Variants in SGIP1 observed in about 807,000 individuals in gnomAD.
SGIP1 encodes SH3-containing GRB2-like protein 3-interacting protein 1.
A neutral mutation model predicts 107.5 loss-of-function variants in SGIP1; 38 were observed. That is an observed-to-expected ratio of 0.35 (90% CI 0.27 to 0.46). SGIP1 has a LOEUF of 0.46. Among genes scored for constraint, SGIP1 ranks in the 20% least tolerant of loss-of-function variants. The pLI is 1.00. For synonymous variants in SGIP1, 365 were observed against 366.1 expected (o/e 1.00, Z 0.03); for missense variants, 929 against 1,019.5 (o/e 0.91, Z 1.21).
intron 6 of SGIP1, 112 bp from the exon 7 acceptor site, chr1:66,643,432 G>A (rs2077123789): frequency 1.3e-6 from 1 of 797,374 alleles, no homozygotes; most frequent in Non-Finnish European, 2.0e-6. Flanking sequence ...GTTTTGCTTT[G>A]ATTTTCTGCC....
intron 3 of SGIP1, among the ~76,000 whole-genome samples, chr1:66,633,810 A>AG (rs969997664): frequency 4.6e-5 from 7 of 151,870 alleles, no homozygotes; most frequent in Non-Finnish European, 7.4e-5. Flanking sequence ...TTACTGAAAA[A>AG]AAAATGGACT....
At chr1:66,705,161 A>G (rs2092376916) in intron 18 of SGIP1, among the ~76,000 whole-genome samples, 1 of 152,162 alleles carries the variant, frequency 6.6e-6, no homozygotes, top group Non-Finnish European at 1.5e-5. Flanking sequence ...TCAGCAGACA[A>G]AAAAATTTCA....
intron 1 of SGIP1, among the ~76,000 whole-genome samples, chr1:66,568,362 A>AGACTTCGCT (rs57476134): frequency 6.6e-6 from 1 of 151,252 alleles, no homozygotes; most frequent in East Asian, 1.9e-4. Flanking sequence ...TTTTGTCCTG[A>AGACTTCGCT]GAAGTTGCTT....
intron 7 of SGIP1, among the ~76,000 whole-genome samples, chr1:66,659,225 C>A: frequency 6.6e-6 from 1 of 152,050 alleles, no homozygotes; most frequent in African/African-American, 2.4e-5. Flanking sequence ...GGAGATGAAG[C>A]TGGAAATAGG....
At chr1:66,554,024 ACT>A (rs1273321010) in intron 1 of SGIP1, among the ~76,000 whole-genome samples, 1 of 151,680 alleles carries the variant, frequency 6.6e-6, no homozygotes, top group Non-Finnish European at 1.5e-5. Context: ...GTCATCTGTG[ACT>A]CTCTCACTGA....
intron 7 of SGIP1, among the ~76,000 whole-genome samples, chr1:66,656,859 T>A (rs2079894258): frequency 6.6e-6 from 1 of 152,116 alleles, no homozygotes; most frequent in Non-Finnish European, 1.5e-5. Flanking sequence ...TATAATAGAA[T>A]CCCATTTATC....
intron 1 of SGIP1, among the ~76,000 whole-genome samples, chr1:66,591,247 A>G (rs532010945): frequency 1.1e-4 from 16 of 152,344 alleles, no homozygotes; most frequent in Non-Finnish European, 2.2e-4. Context: ...ATTCCTGCTA[A>G]CAAGGTATCT....
chr1:66,592,720 T>A (rs1287280751), intron 1 of SGIP1, among the ~76,000 whole-genome samples: 2 of 152,150 alleles, frequency 1.3e-5, no homozygotes, highest in Non-Finnish European at 2.9e-5. Flanking sequence ...ATAGTTTCAC[T>A]GTCCTAAAAA....
chr1:66,691,115 A>G (rs1311992298), intron 17 of SGIP1, among the ~76,000 whole-genome samples: 1 of 151,266 alleles, frequency 6.6e-6, no homozygotes, highest in Non-Finnish European at 1.5e-5. Context: ...TTCCCATTCC[A>G]TTTTTCCCAT....
chr1:66,734,188 G>A (rs1342056033), intron 21 of SGIP1, among the ~76,000 whole-genome samples: 1 of 152,060 alleles, frequency 6.6e-6, no homozygotes, highest in Non-Finnish European at 1.5e-5. Flanking sequence ...TGATAAACAA[G>A]ATGATTATAA....
rs749605546 is a variant in SGIP1 at position 66,635,941 on chromosome 1, C to G, written c.100-3C>G. 5.0e-6 allele frequency: 8 copies of G among 1,613,426 alleles called. No homozygotes were observed. Among genetic ancestry groups the G allele is most frequent in the Non-Finnish European group, 5.9e-6 (7 of 1,179,716 alleles). On this transcript the variant is annotated splice_polypyrimidine_tract_variant and splice_region_variant and intron_variant, in intron 3 of 24. Coordinates refer to ENST00000371037, the MANE Select transcript of SGIP1 (RefSeq NM_032291.4). Reference sequence around the variant, plus strand: ...TTTTCTACATGAAAACAATCAATTCCAGCAGCCCAGCCCACACGAACCACC... The same window carrying G: ...TTTTCTACATGAAAACAATCAATTCGAGCAGCCCAGCCCACACGAACCACC...
At chr1:66,540,429 G>A (rs1179046005) in intron 1 of SGIP1, among the ~76,000 whole-genome samples, 1 of 151,950 alleles carries the variant, frequency 6.6e-6, no homozygotes, top group African/African-American at 2.4e-5. Context: ...TTGCATTTCT[G>A]CCTTTCCTTT....
At position 66,636,012 on chromosome 1, in the gene SGIP1, T is replaced by C; in HGVS notation, c.168T>C (p.Val56=). The C allele has an allele frequency of 1.2e-6, 2 of 1,613,476 alleles. No homozygotes were observed. The highest frequency in any genetic ancestry group is 1.3e-5 in the African/African-American group (1 of 74,984). Residue 56 remains valine, a synonymous_variant, in exon 4 of 25, where the codon GTT becomes GTC. Coordinates refer to ENST00000371037, the MANE Select transcript of SGIP1 (RefSeq NM_032291.4). ...GTGCGCGTGAAGGAGGAAAAAAAGT[T>C]TCGGTAAGGAAACAGATTTTAGTTT... The part of the protein sequence containing the change: ...AECAREGGKK[V]SKKSNGAPNG...
rs753101094 is a variant in SGIP1 at position 66,684,944 on chromosome 1, C to T, written c.1315+2575C>T. On this transcript the variant is annotated intron_variant, in intron 15 of 24. Transcript: ENST00000371037. ...CTGGTATTTAAAGATTGGATTTCTA[C>T]GTAGAAAATTGAACTGGGCCACTGA... Among the ~76,000 whole-genome samples, 7 of 152,104 alleles carry T rather than the reference C, an allele frequency of 4.6e-5. No homozygotes were observed. In the South Asian group the frequency reaches 6.2e-4, roughly 14 times the overall value.
chr1:66,636,521 A>G (rs997456805), intron 4 of SGIP1, among the ~76,000 whole-genome samples: 3 of 152,228 alleles, frequency 2.0e-5, no homozygotes, highest in Non-Finnish European at 4.4e-5. Context: ...TGGTAGCCAC[A>G]TGTGACTATT....
intron 1 of SGIP1, among the ~76,000 whole-genome samples, chr1:66,576,978 A>T (rs534670836): frequency 6.6e-6 from 1 of 152,308 alleles, no homozygotes; most frequent in South Asian, 2.1e-4. Flanking sequence ...CAGCTGCAGC[A>T]GTGAGAGCTG....
At chr1:66,630,613 C>A (rs1004380188) in intron 2 of SGIP1, among the ~76,000 whole-genome samples, 6 of 151,352 alleles carry the variant, frequency 4.0e-5, no homozygotes, top group African/African-American at 1.5e-4. Flanking sequence ...TTGAGACCAG[C>A]CTGGCCAACA....
chr1:66,535,445 G>T (rs1198982858), intron 1 of SGIP1, among the ~76,000 whole-genome samples: 2 of 152,170 alleles, frequency 1.3e-5, no homozygotes, highest in African/African-American at 4.8e-5. Context: ...CTATTCCTTA[G>T]AAATTTACCA....
At chr1:66,605,671 TG>T (rs988724678) in intron 1 of SGIP1, among the ~76,000 whole-genome samples, 1 of 151,870 alleles carries the variant, frequency 6.6e-6, no homozygotes, top group African/African-American at 2.4e-5. Flanking sequence ...CAAAACAAGC[TG>T]GTATTTTTGT....
Sources: gnomAD v4.1 joint callset for allele counts (sites outside exome capture counted in the v4.1 genomes callset) on GRCh38, gnomAD v4.1.1 for gene constraint, MANE v1.5 for transcripts, NCBI Gene and HGNC (gene_info 2026-07-23, HGNC 2026-07-21) for gene names.